The following USP48 variants were observed in gnomAD, a reference collection of about 807,000 sequenced individuals.
USP48 encodes the protein ubiquitin specific peptidase 48.
A neutral mutation model predicts 150.7 loss-of-function variants in USP48; 43 were observed. The ratio of observed to expected loss-of-function variants is 0.29; its 90% CI spans 0.22 to 0.37. The LOEUF (loss-of-function observed/expected upper bound fraction) is 0.37, where lower values mean the gene tolerates loss of function less well. USP48 is among the 10% of genes least tolerant of loss of function. The probability of loss-of-function intolerance (pLI) is 1.00; values close to 1 mark genes in which losing one functional copy is unlikely to be tolerated. For missense variants in USP48, 813 were observed against 1,249.6 expected (o/e 0.65, Z 5.27); for synonymous variants, 396 against 425.9 (o/e 0.93, Z 0.86).
intron 9 of USP48, among the ~76,000 whole-genome samples, chr1:21,735,061 A>C (rs2097765730): frequency 6.6e-6 from 1 of 152,232 alleles, no homozygotes; most frequent in South Asian, 2.1e-4. Context: ...AACAAAGTTT[A>C]CCTGCTAGAA....
chr1:21,758,393 A>C (rs190019997), intron 1 of USP48, among the ~76,000 whole-genome samples: 129 of 152,274 alleles, frequency 8.5e-4, no homozygotes, highest in African/African-American at 2.9e-3. Flanking sequence ...GTACAAAAAG[A>C]AATACAGAAA....
In USP48 at chr1:21,689,879, C is replaced by T. The variant is rs1195905087; in HGVS notation, c.3009+95G>A. ...TTTATCACTACCCTCTGCTAAAGAC[C>T]CAAGGCATCCTTTAACCACCATTTC... On this transcript the variant is annotated intron_variant, in intron 24 of 26. Coordinates refer to ENST00000308271, the MANE Select transcript of USP48 (RefSeq NM_032236.8). 3.9e-6 allele frequency: 6 copies of T among 1,519,752 alleles called. No homozygotes were observed. In the East Asian group the frequency reaches 1.1e-4, roughly 29 times the overall value. The allele number at this position is 1,519,752 out of a possible 1,614,324, so 94.1% of individuals were successfully genotyped here.
intron 1 of USP48, among the ~76,000 whole-genome samples, chr1:21,766,496 T>C (rs2097862577): frequency 1.3e-5 from 2 of 152,212 alleles, no homozygotes; most frequent in South Asian, 4.1e-4. Context: ...CTTTCAGTTC[T>C]GTTTTGGTAG....
intron 9 of USP48, among the ~76,000 whole-genome samples, chr1:21,734,807 G>A (rs932358890): frequency 6.6e-6 from 1 of 152,228 alleles, no homozygotes; most frequent in Admixed American, 6.5e-5. Context: ...ACAATGGGAA[G>A]AAAGTGATAA....
intron 6 of USP48, among the ~76,000 whole-genome samples, chr1:21,749,550 CCT>C (rs1313872270): frequency 1.3e-5 from 2 of 152,044 alleles, no homozygotes; most frequent in African/African-American, 2.4e-5. Context: ...CCTTGACTCC[CCT>C]CTTACTCTTA....
At chr1:21,718,217 A>C (rs1390185899) in intron 14 of USP48, among the ~76,000 whole-genome samples, 1 of 152,264 alleles carries the variant, frequency 6.6e-6, no homozygotes, top group Non-Finnish European at 1.5e-5. Flanking sequence ...TTAAAATAGA[A>C]TCAGATAAAC....
Position 21,724,100 on chromosome 1 carries a change from G to A in USP48, c.1451-5C>T. On this transcript the variant is annotated splice_region_variant and splice_polypyrimidine_tract_variant and intron_variant, in intron 11 of 26. Transcript: ENST00000308271. ...GAGAGACAAACTCATAGGGCTCTGA[G>A]AAAGCAAGCATCGGAAAGAGCCTAT... The A allele has an allele frequency of 1.9e-6, 3 of 1,613,962 alleles. No homozygotes were observed. Among genetic ancestry groups the A allele is most frequent in the Non-Finnish European group, 1.7e-6 (2 of 1,179,898 alleles).
chr1:21,751,606 C>T lies in USP48; in HGVS notation c.675G>A (p.Gln225=). 6.2e-7 allele frequency: 1 copy of T among 1,613,526 alleles called. No individual in the cohort carries two copies. Among genetic ancestry groups the T allele is most frequent in the Admixed American group, 1.7e-5 (1 of 60,000 alleles). Residue 225 remains glutamine (Q), a synonymous_variant, in exon 6 of 27, where the codon CAG becomes CAA. Coordinates refer to ENST00000308271, the MANE Select transcript of USP48 (RefSeq NM_032236.8). The part of the protein sequence containing the change: ...GEYAYVTVCN[Q]CGRESKLLSK... ...ACAAAAGCTTAGACTCTCTGCCACACTGGTTGCAACTATAATAAAACAGAA... is the reference window on the plus strand; with the variant it reads ...ACAAAAGCTTAGACTCTCTGCCACATTGGTTGCAACTATAATAAAACAGAA...
chr1:21,743,486 A>C (rs1241608616), intron 8 of USP48, among the ~76,000 whole-genome samples: 1 of 152,214 alleles, frequency 6.6e-6, no homozygotes, highest in Admixed American at 6.5e-5. Flanking sequence ...CAGGTGAAGA[A>C]GCAGGGGCAG....
chr1:21,733,726 TA>T (rs543219949), intron 9 of USP48, among the ~76,000 whole-genome samples: 2 of 151,934 alleles, frequency 1.3e-5, no homozygotes, highest in East Asian at 1.9e-4. Flanking sequence ...AGATAGATTT[TA>T]AAAAAACCCA....
At chr1:21,706,685 G>A (rs2097673548) in intron 16 of USP48, 59 bp downstream of exon 16, 1 of 1,610,164 alleles carries the variant, frequency 6.2e-7, no homozygotes, top group Non-Finnish European at 8.5e-7. Flanking sequence ...TAATTCCCCT[G>A]GGAAGTCAAC....
chr1:21,734,104 A>G (rs1213567686), intron 9 of USP48, among the ~76,000 whole-genome samples: 2 of 152,236 alleles, frequency 1.3e-5, no homozygotes, highest in African/African-American at 4.8e-5. Flanking sequence ...ATGTTATTTA[A>G]AAGTAGAAAA....
chr1:21,736,396 G>C, intron 9 of USP48, 50 bp downstream of exon 9: 2 of 1,460,454 alleles, frequency 1.4e-6, no homozygotes. Context: ...AATATTTCTA[G>C]TAAAATAAAT....
chr1:21,772,697 G>C (rs1038637513), intron 1 of USP48, among the ~76,000 whole-genome samples: 2 of 151,682 alleles, frequency 1.3e-5, no homozygotes, highest in African/African-American at 2.4e-5. Context: ...CAAGGCAGGT[G>C]GATCACCTGA....
intron 1 of USP48, among the ~76,000 whole-genome samples, chr1:21,771,779 C>T (rs1182099788): frequency 7.7e-6 from 1 of 129,590 alleles, no homozygotes; most frequent in East Asian, 2.3e-4. Context: ...ATTAGCCGGG[C>T]GTGGTGGCAC....
chr1:21,701,064 C>CA (rs11311453), intron 22 of USP48, among the ~76,000 whole-genome samples: 2,843 of 60,450 alleles, frequency 0.047, 68 homozygotes, highest in Non-Finnish European at 0.058. Flanking sequence ...GGATCCATCT[C>CA]AAAAAAAAAA....
chr1:21,692,099 G>T (rs1054900136), intron 23 of USP48, among the ~76,000 whole-genome samples: 1 of 152,088 alleles, frequency 6.6e-6, no homozygotes, highest in African/African-American at 2.4e-5. Context: ...AGACAAATAA[G>T]AACAAGGATA....
intron 15 of USP48, among the ~76,000 whole-genome samples, chr1:21,712,964 CATCAAAACACTAGAGTTACAG>C (rs1337624010): frequency 6.6e-6 from 1 of 152,050 alleles, no homozygotes; most frequent in African/African-American, 2.4e-5. Flanking sequence ...CAAAGTATGG[CATCAAAACACTAGAGTTACAG>C]ATCAAGACAA....
At chr1:21,739,253 CT>C (rs1258433645) in intron 8 of USP48, among the ~76,000 whole-genome samples, 1 of 151,954 alleles carries the variant, frequency 6.6e-6, no homozygotes, top group Non-Finnish European at 1.5e-5. Context: ...GGCGCAGTGG[CT>C]CACACCTAAA....
Sources: allele counts gnomAD v4.1 joint callset (sites outside exome capture counted in the v4.1 genomes callset), GRCh38; gene constraint gnomAD v4.1.1; transcripts MANE v1.5; gene names NCBI Gene and HGNC (gene_info 2026-07-23, HGNC 2026-07-21).